Variants in COG7 observed in about 807,000 individuals in gnomAD.
COG7 encodes conserved oligomeric Golgi complex subunit 7.
COG7 carries 49 observed loss-of-function variants against 91.5 expected under a neutral mutation model. The observed-to-expected ratio is 0.54, with a 90% CI of 0.43 to 0.68. The LOEUF is 0.68. COG7 is among the 30% of genes least tolerant of loss of function. The probability of loss-of-function intolerance (pLI) is 0.00; values close to 1 mark genes in which losing one functional copy is unlikely to be tolerated. For synonymous variants in COG7, 365 were observed against 388.7 expected (o/e 0.94, Z 0.72); for missense variants, 895 against 961.3 (o/e 0.93, Z 0.91).
chr16:23,397,260 C>G (rs1963300558), intron 14 of COG7, among the ~76,000 whole-genome samples: 1 of 152,208 alleles, frequency 6.6e-6, no homozygotes, highest in Non-Finnish European at 1.5e-5. Context: ...GGCAGAGTCA[C>G]AACTTACACA....
At chr16:23,423,469 T>A (rs1303007353) in intron 7 of COG7, among the ~76,000 whole-genome samples, 2 of 152,164 alleles carry the variant, frequency 1.3e-5, no homozygotes, top group Non-Finnish European at 2.9e-5. Flanking sequence ...TCCACCTTCG[T>A]CCCACTGTGC....
Position 23,446,085 on chromosome 16 carries a change from C to T in COG7, c.170-124G>A. 7.5e-6 allele frequency: 9 copies of T among 1,205,492 alleles called. No individual in the cohort carries two copies. In the South Asian group the frequency reaches 1.3e-4, roughly 17 times the overall value. 74.7% of individuals were successfully genotyped at this position (1,205,492 alleles called of 1,614,324 possible). ...CAACAGAAAGGAAATGCACGACCAACCAAACGGTTTTTGGAGCCTGCAGAA... is the reference window on the plus strand; with the variant it reads ...CAACAGAAAGGAAATGCACGACCAATCAAACGGTTTTTGGAGCCTGCAGAA... On this transcript the variant is annotated intron_variant, in intron 1 of 16. Transcript: ENST00000307149.
chr16:23,430,699 G>A (rs1468707376), intron 6 of COG7, among the ~76,000 whole-genome samples: 2 of 151,708 alleles, frequency 1.3e-5, no homozygotes, highest in African/African-American at 2.4e-5. Context: ...CTGCCACCAC[G>A]GCTAGCTAAT....
chr16:23,442,769 T>G, intron 3 of COG7, 124 bp from the exon 4 acceptor site: 3 of 860,276 alleles, frequency 3.5e-6, no homozygotes, highest in Non-Finnish European at 5.8e-6. Context: ...ATCGTGGTGG[T>G]TCATGCCTGT....
intron 3 of COG7, among the ~76,000 whole-genome samples, chr16:23,443,917 C>G (rs561682630): frequency 7.6e-4 from 115 of 151,932 alleles, no homozygotes; most frequent in South Asian, 5.8e-3. Context: ...TTTGGGAGGC[C>G]GAGGAGGGCA....
rs375870009 is a variant in COG7 at position 23,392,462 on chromosome 16, G to A, written c.2064C>T (p.Ala688=). 2.0e-5 allele frequency: 33 copies of A among 1,614,172 alleles called. No homozygotes were observed. Among genetic ancestry groups the A allele is most frequent in the Admixed American group, 1.0e-4 (6 of 60,026 alleles). The change falls in exon 16 of 17, where the codon GCC becomes GCT. Residue 688 remains alanine (A), a synonymous_variant. Transcript: ENST00000307149. ...ADNWLGSIAR[A]TMQTYCDAIL... ...TCGCATCACAGTAGGTCTGCATTGT[G>A]GCTCTGGCGATCGAGCCCAGCCAGT...
intron 7 of COG7, among the ~76,000 whole-genome samples, chr16:23,422,457 G>A (rs1460057561): frequency 6.7e-6 from 1 of 148,890 alleles, no homozygotes; most frequent in South Asian, 2.1e-4. Context: ...AAGATATTTT[G>A]TATATATTAT....
chr16:23,443,873 C>T (rs1046531830), intron 3 of COG7, among the ~76,000 whole-genome samples: 4 of 151,786 alleles, frequency 2.6e-5, no homozygotes, highest in Non-Finnish European at 4.4e-5. Context: ...AGCCCCCGGC[C>T]GGGCATGGTG....
At position 23,403,850 on chromosome 16, in the gene COG7, G is replaced by A; in HGVS notation, c.1663-16C>T. On this transcript the variant is annotated splice_polypyrimidine_tract_variant and intron_variant, in intron 12 of 16. Transcript: ENST00000307149. ...ACCCTTTTTCCTAAGACAAGAAAAT[G>A]CAAAAGGCAGTTGTTAGGCCTGAAA... 6.2e-7 allele frequency: 1 copy of A among 1,614,132 alleles called. No homozygotes were observed. The highest frequency in any genetic ancestry group is 8.5e-7 in the Non-Finnish European group (1 of 1,180,016).
At position 23,410,941 on chromosome 16, in the gene COG7, A is replaced by C. The variant is rs528914215; in HGVS notation, c.1410-581T>G. 9.8e-5 allele frequency among the ~76,000 whole-genome samples: 15 copies of C among 152,286 alleles called. No individual in the cohort carries two copies. In the South Asian group the frequency reaches 3.1e-3, roughly 32 times the overall value. On this transcript the variant is annotated intron_variant, in intron 10 of 16. Transcript: ENST00000307149. Reference sequence around the variant, plus strand: ...AGGCTGGTCTCAAACTCCCGACCTTAAGTGATCCGCCTGCCTTGGCCTCCC... The same window carrying C: ...AGGCTGGTCTCAAACTCCCGACCTTCAGTGATCCGCCTGCCTTGGCCTCCC...
intron 11 of COG7, among the ~76,000 whole-genome samples, chr16:23,409,040 C>A (rs1963515046): frequency 6.7e-6 from 1 of 150,360 alleles, no homozygotes; most frequent in Admixed American, 6.6e-5. Flanking sequence ...GTGTTCCTGG[C>A]TGGAAGGCTG....
intron 9 of COG7, 97 bp from the exon 10 acceptor site, chr16:23,413,661 G>C: frequency 1.3e-6 from 1 of 783,156 alleles, no homozygotes; most frequent in South Asian, 1.4e-5. Context: ...ATTGCTAATG[G>C]CCTTGAGAGC....
In COG7 at chr16:23,433,630, C is replaced by T. The variant is rs750739808; in HGVS notation, c.725G>A (p.Ser242Asn). Reference sequence around the variant, plus strand: ...AAGCTGCCGGTCCAGGGATAGGTCACTTTGACACAGCTCTTGCCAGGCTGC... The same window carrying T: ...AAGCTGCCGGTCCAGGGATAGGTCATTTTGACACAGCTCTTGCCAGGCTGC... ...LLAAWQELCQ[S>N]DLSLDRQLTG... Residue 242 changes from serine (S) to asparagine (N), a missense_variant, in exon 6 of 17, where the codon AGT (serine) becomes AAT (asparagine). Coordinates refer to ENST00000307149, the MANE Select transcript of COG7 (RefSeq NM_153603.4). 2 of 1,614,040 alleles carry T rather than the reference C, an allele frequency of 1.2e-6. No homozygotes were observed. Among genetic ancestry groups the T allele is most frequent in the South Asian group, 1.1e-5 (1 of 91,078 alleles).
chr16:23,409,769 G>A (rs1243490834), intron 11 of COG7, among the ~76,000 whole-genome samples: 1 of 152,194 alleles, frequency 6.6e-6, no homozygotes, highest in African/African-American at 2.4e-5. Flanking sequence ...TATGAGAAGA[G>A]AGGAAGGGAG....
intron 13 of COG7, among the ~76,000 whole-genome samples, chr16:23,401,555 C>A (rs1250812681): frequency 6.6e-6 from 1 of 152,112 alleles, no homozygotes; most frequent in African/African-American, 2.4e-5. Flanking sequence ...TACAAACAAC[C>A]CAATCTGCAG....
chr16:23,446,858 C>A (rs1487029821), intron 1 of COG7: 1 of 152,138 alleles, frequency 6.6e-6, no homozygotes, highest in Non-Finnish European at 1.5e-5. Flanking sequence ...CTCAGGTGAT[C>A]CTCCCACCTC....
In COG7 at chr16:23,442,523, G is replaced by A; in HGVS notation, c.558C>T (p.Ala186=). ...CCGCTACAATCTGTGGACTGGCTAGGGCCTCCAGCCTGTTCTTCAGTGCCT... is the reference window on the plus strand; with the variant it reads ...CCGCTACAATCTGTGGACTGGCTAGAGCCTCCAGCCTGTTCTTCAGTGCCT... ...HLEALKNRLE[A]LASPQIVAAF... Residue 186 remains alanine (A), a synonymous_variant, in exon 4 of 17, where the codon GCC becomes GCT. Transcript: ENST00000307149. 1 of 1,614,070 alleles carries A rather than the reference G, an allele frequency of 6.2e-7. No homozygotes were observed. The highest frequency in any genetic ancestry group is 8.5e-7 in the Non-Finnish European group (1 of 1,180,026).
At chr16:23,434,929 C>A (rs189511794) in intron 4 of COG7, among the ~76,000 whole-genome samples, 68 of 152,264 alleles carry the variant, frequency 4.5e-4, no homozygotes, top group Admixed American at 1.5e-3. Flanking sequence ...CTGTTCCTCA[C>A]AGAATTCATA....
At chr16:23,410,965 C>A (rs943766985) in intron 10 of COG7, among the ~76,000 whole-genome samples, 5 of 152,158 alleles carry the variant, frequency 3.3e-5, no homozygotes, top group African/African-American at 1.2e-4. Context: ...CCTTGGCCTC[C>A]CAAAATGCTG....
Sources: gnomAD v4.1 joint callset for allele counts (sites outside exome capture counted in the v4.1 genomes callset) on GRCh38, gnomAD v4.1.1 for gene constraint, MANE v1.5 for transcripts, NCBI Gene and HGNC (gene_info 2026-07-23, HGNC 2026-07-21) for gene names.